HECTD2: variants seen among roughly 807,000 people sequenced by gnomAD.
The protein encoded by HECTD2 is probable E3 ubiquitin-protein ligase HECTD2.
In HECTD2, 35 loss-of-function variants were observed where a neutral mutation model predicts 103.2. The ratio of observed to expected loss-of-function variants is 0.34; its 90% CI spans 0.26 to 0.45. The LOEUF (loss-of-function observed/expected upper bound fraction) is 0.45, where lower values mean the gene tolerates loss of function less well. HECTD2 is among the 20% of genes least tolerant of loss of function. The pLI, the probability that HECTD2 is intolerant of heterozygous loss-of-function variation, is 1.00. For synonymous variants in HECTD2, 281 were observed against 329.9 expected (o/e 0.85, Z 1.61); for missense variants, 596 against 937.4 (o/e 0.64, Z 4.76).
At chr10:91,509,789 G>T (rs1847349884) in intron 20 of HECTD2, among the ~76,000 whole-genome samples, 1 of 152,106 alleles carries the variant, frequency 6.6e-6, no homozygotes, top group South Asian at 2.1e-4. Flanking sequence ...GGGTAGGGTG[G>T]GAGGAGGGTA....
chr10:91,469,614 T>C (rs949538264), intron 5 of HECTD2, among the ~76,000 whole-genome samples: 8 of 152,078 alleles, frequency 5.3e-5, no homozygotes, highest in African/African-American at 1.9e-4. Context: ...GTACTAAATA[T>C]GGAAAGGAAA....
chr10:91,512,466 C>G lies in HECTD2; in HGVS notation c.*82C>G. On this transcript the variant is annotated 3_prime_UTR_variant, in exon 21 of 21. Coordinates refer to ENST00000298068, the MANE Select transcript of HECTD2 (RefSeq NM_182765.6). Reference sequence around the variant, plus strand: ...GCCTTTAGCCTTTTCATGTTTCTGTCTCAAAACACTTTGACAAAGCTCACC... The same window carrying G: ...GCCTTTAGCCTTTTCATGTTTCTGTGTCAAAACACTTTGACAAAGCTCACC... 1 of 1,225,634 alleles carries G rather than the reference C, an allele frequency of 8.2e-7. No homozygotes were observed. Among genetic ancestry groups the G allele is most frequent in the Non-Finnish European group, 1.1e-6 (1 of 883,312 alleles). 75.9% of individuals were successfully genotyped at this position (1,225,634 alleles called of 1,614,324 possible).
At chr10:91,463,779 A>G (rs187238287) in intron 5 of HECTD2, 1 of 152,308 alleles carries the variant, frequency 6.6e-6, no homozygotes, top group East Asian at 1.9e-4. Flanking sequence ...AATTGTTTCA[A>G]AAACCTTACC....
intron 2 of HECTD2, among the ~76,000 whole-genome samples, chr10:91,441,913 T>TC (rs1230406736): frequency 6.1e-5 from 8 of 132,092 alleles, no homozygotes; most frequent in African/African-American, 2.8e-4. Context: ...TTTTTCTTTT[T>TC]TTTTTGCTTT....
At chr10:91,471,012 G>GCA (rs1229787840) in intron 5 of HECTD2, among the ~76,000 whole-genome samples, 2 of 144,348 alleles carry the variant, frequency 1.4e-5, no homozygotes, top group Non-Finnish European at 3.2e-5. Flanking sequence ...AGACACACAC[G>GCA]CACACACACA....
intron 2 of HECTD2, among the ~76,000 whole-genome samples, chr10:91,434,693 T>C (rs1241992100): frequency 6.6e-6 from 1 of 152,046 alleles, no homozygotes; most frequent in East Asian, 1.9e-4. Flanking sequence ...TTCCATTTTA[T>C]TATTTGTTTT....
At chr10:91,413,980 A>C (rs1589451851) in intron 1 of HECTD2, among the ~76,000 whole-genome samples, 1 of 152,302 alleles carries the variant, frequency 6.6e-6, no homozygotes, top group East Asian at 1.9e-4. Context: ...ACTGAGGTTG[A>C]TGGATTGGAG....
chr10:91,476,953 G>A (rs1387264785), intron 5 of HECTD2, among the ~76,000 whole-genome samples: 1 of 152,002 alleles, frequency 6.6e-6, no homozygotes, highest in Non-Finnish European at 1.5e-5. Context: ...GGCCGAGGCG[G>A]GTGGATCATG....
At chr10:91,472,445 A>C (rs1417291931) in intron 5 of HECTD2, among the ~76,000 whole-genome samples, 1 of 152,188 alleles carries the variant, frequency 6.6e-6, no homozygotes, top group Non-Finnish European at 1.5e-5. Flanking sequence ...CAAAAACAAA[A>C]ATTGATGAAT....
At chr10:91,428,135 T>A (rs1843655801) in intron 2 of HECTD2, among the ~76,000 whole-genome samples, 1 of 151,152 alleles carries the variant, frequency 6.6e-6, no homozygotes, top group Admixed American at 6.6e-5. Flanking sequence ...AAATAGGGAA[T>A]CCTTTCCCCA....
intron 2 of HECTD2, among the ~76,000 whole-genome samples, chr10:91,458,825 A>G (rs1345535767): frequency 1.3e-5 from 2 of 152,046 alleles, no homozygotes; most frequent in South Asian, 2.1e-4. Context: ...ACTAGAAAAT[A>G]GTTCTTAGAC....
chr10:91,461,980 T>C, intron 4 of HECTD2, 115 bp from the exon 5 acceptor site: 1 of 779,344 alleles, frequency 1.3e-6, no homozygotes, highest in Non-Finnish European at 2.0e-6. Flanking sequence ...AACAGTTCTT[T>C]TTTATTATCA....
At chr10:91,425,884 C>T (rs1174833808) in intron 2 of HECTD2, among the ~76,000 whole-genome samples, 2 of 151,368 alleles carry the variant, frequency 1.3e-5, no homozygotes, top group African/African-American at 2.4e-5. Flanking sequence ...GATGTTATAA[C>T]GATATAACAT....
At chr10:91,443,464 G>T (rs1844451454) in intron 2 of HECTD2, among the ~76,000 whole-genome samples, 1 of 151,440 alleles carries the variant, frequency 6.6e-6, no homozygotes, top group African/African-American at 2.4e-5. Context: ...CTTTGTCCCA[G>T]AGGGGCACCT....
chr10:91,432,944 C>T (rs1843954841), intron 2 of HECTD2, among the ~76,000 whole-genome samples: 1 of 151,976 alleles, frequency 6.6e-6, no homozygotes, highest in South Asian at 2.1e-4. Context: ...AGGTCAAGTA[C>T]TCCAGAGTTT....
At chr10:91,486,381 C>G (rs1335036494) in intron 10 of HECTD2, 1 of 152,114 alleles carries the variant, frequency 6.6e-6, no homozygotes, top group East Asian at 1.9e-4. Context: ...TAGATACAAC[C>G]ACAAAACAGC....
intron 1 of HECTD2, among the ~76,000 whole-genome samples, chr10:91,419,418 G>A (rs1843260439): frequency 6.6e-6 from 1 of 152,000 alleles, no homozygotes. Flanking sequence ...GGTACTCTAA[G>A]TGTTTGTCTG....
At chr10:91,410,987 G>C (rs1366602478) in intron 1 of HECTD2, among the ~76,000 whole-genome samples, 1 of 152,118 alleles carries the variant, frequency 6.6e-6, no homozygotes, top group Non-Finnish European at 1.5e-5. Context: ...GCAGATTTTT[G>C]TCCTTTTCTT....
Position 91,499,053 on chromosome 10 carries a change from A to T in HECTD2, c.1853A>T (p.Gln618Leu), listed in dbSNP as rs1312033856. 1 of 1,608,518 alleles carries T rather than the reference A, an allele frequency of 6.2e-7. No homozygotes were observed. ...VTNQNRKEYV[Q>L]LYTDFLLNKS... ...TAAAATTGCTTTTCAGAATATGTAC[A>T]GCTTTATACTGACTTCCTTCTGAAC... Residue 618 changes from glutamine to leucine, a missense_variant, in exon 18 of 21, where the codon CAG (glutamine) becomes CTG (leucine). Gln to Leu is a moderately radical substitution (Grantham distance 113, BLOSUM62 -2). Transcript: ENST00000298068.
Sources: allele counts gnomAD v4.1 joint callset (sites outside exome capture counted in the v4.1 genomes callset), GRCh38; gene constraint gnomAD v4.1.1; transcripts MANE v1.5; gene names NCBI Gene and HGNC (gene_info 2026-07-23, HGNC 2026-07-21).